TMEM266: variants seen among roughly 807,000 people sequenced by gnomAD.
The protein encoded by TMEM266 is transmembrane protein 266.
In TMEM266, 33 loss-of-function variants were observed where a neutral mutation model predicts 50.5. That is an observed-to-expected ratio of 0.65 (90% CI 0.50 to 0.87). The LOEUF (loss-of-function observed/expected upper bound fraction) is 0.87. Ranked by LOEUF, TMEM266 falls within the 40% of genes least tolerant of loss-of-function variation. The pLI is 0.00. For synonymous variants in TMEM266, 310 were observed against 292.3 expected (o/e 1.06, Z -0.62); for missense variants, 655 against 695.1 (o/e 0.94, Z 0.65).
At chr15:76,075,544 C>T (rs1388595263) in intron 1 of TMEM266, among the ~76,000 whole-genome samples, 2 of 152,034 alleles carry the variant, frequency 1.3e-5, no homozygotes, top group South Asian at 2.1e-4. Flanking sequence ...CTTAATGATA[C>T]GACATGTTGG....
At chr15:76,122,092 G>C (rs2037355624) in intron 1 of TMEM266, among the ~76,000 whole-genome samples, 1 of 152,246 alleles carries the variant, frequency 6.6e-6, no homozygotes, top group Admixed American at 6.5e-5. Flanking sequence ...GGCTCTTTTG[G>C]TCTTGGCTTA....
At chr15:76,183,276 T>C (rs1260478848) in intron 8 of TMEM266, among the ~76,000 whole-genome samples, 14 of 151,838 alleles carry the variant, frequency 9.2e-5, no homozygotes, top group South Asian at 4.2e-4. Flanking sequence ...TCACCACCCC[T>C]GGCTAATTTT....
intron 1 of TMEM266, among the ~76,000 whole-genome samples, chr15:76,115,272 G>A (rs530245491): frequency 1.1e-4 from 16 of 152,310 alleles, no homozygotes; most frequent in South Asian, 1.0e-3. Flanking sequence ...ATAGGGAACC[G>A]TCAAGTTGCT....
intron 1 of TMEM266, among the ~76,000 whole-genome samples, chr15:76,065,077 A>G (rs986374694): frequency 3.9e-5 from 6 of 152,204 alleles, no homozygotes; most frequent in African/African-American, 1.4e-4. Flanking sequence ...GACAGTTACT[A>G]ATTCTCCTTT....
chr15:76,068,103 AT>A (rs776644713), intron 1 of TMEM266, among the ~76,000 whole-genome samples: 81 of 152,324 alleles, frequency 5.3e-4, no homozygotes, highest in Non-Finnish European at 7.8e-4. Flanking sequence ...CCCACCTCCA[AT>A]TGACAGTCAT....
intron 1 of TMEM266, among the ~76,000 whole-genome samples, chr15:76,132,528 G>A (rs942864972): frequency 2.6e-5 from 4 of 152,104 alleles, no homozygotes; most frequent in Non-Finnish European, 5.9e-5. Context: ...GGGCACAGTG[G>A]CTCATGCCTG....
intron 7 of TMEM266, among the ~76,000 whole-genome samples, chr15:76,173,941 AT>A (rs941068158): frequency 8.1e-5 from 12 of 148,004 alleles, no homozygotes; most frequent in Admixed American, 6.6e-5. Flanking sequence ...TCAAAAAAAA[AT>A]AAAAAAAAAA....
intron 10 of TMEM266, among the ~76,000 whole-genome samples, chr15:76,203,525 T>C (rs1370729134): frequency 2.6e-5 from 4 of 152,150 alleles, no homozygotes; most frequent in African/African-American, 7.2e-5. Context: ...ACGCCTACAC[T>C]TGAGTTTAAC....
chr15:76,191,794 A>G (rs1173691535), intron 8 of TMEM266, 174 bp from the exon 9 acceptor site: 1 of 600,400 alleles, frequency 1.7e-6, no homozygotes, highest in Non-Finnish European at 2.7e-6. Flanking sequence ...CAACCGTAAG[A>G]AGCTCTTGCG....
chr15:76,093,086 G>A (rs7181479), intron 1 of TMEM266, among the ~76,000 whole-genome samples: 34,444 of 151,402 alleles, frequency 0.23, 4,495 homozygotes, highest in Non-Finnish European at 0.27. Context: ...GATTACAGGC[G>A]TAAACCACCG....
At chr15:76,082,636 G>C (rs1312254677) in intron 1 of TMEM266, among the ~76,000 whole-genome samples, 1 of 59,628 alleles carries the variant, frequency 1.7e-5, no homozygotes, top group Non-Finnish European at 4.6e-5. Context: ...GTGGCACATG[G>C]TGAAAGAAGG....
At chr15:76,180,906 A>G (rs2038394240) in intron 8 of TMEM266, 1 of 151,992 alleles carries the variant, frequency 6.6e-6, no homozygotes, top group African/African-American at 2.4e-5. Context: ...GAGCCACCGC[A>G]CCCAGCCCAT....
intron 1 of TMEM266, among the ~76,000 whole-genome samples, chr15:76,107,490 C>T (rs2037101584): frequency 6.6e-6 from 1 of 152,180 alleles, no homozygotes; most frequent in Admixed American, 6.5e-5. Flanking sequence ...CTGTTATGCC[C>T]ATTTTCCATA....
At position 76,204,073 on chromosome 15, in the gene TMEM266, T is replaced by C. The variant is rs148877983; in HGVS notation, c.1354T>C (p.Cys452Arg). ...GCTGTCCTCCCTGTCGGAGGACCCC[T>C]GCCCTTCCCAGAAGGCCTTGGACCC... Residue 452 changes from cysteine to arginine, a missense_variant, in exon 11 of 11, where the codon TGC becomes CGC. By Grantham distance (180) the Cys-to-Arg change is radical (BLOSUM62 -3). Transcript: ENST00000388942. 53 of 1,612,416 alleles carry C rather than the reference T, an allele frequency of 3.3e-5. 1 individual carries two copies. In the African/African-American group the frequency reaches 3.9e-4, roughly 12 times the overall value.
intron 1 of TMEM266, among the ~76,000 whole-genome samples, chr15:76,117,090 C>T (rs4886770): frequency 0.3 from 45,793 of 151,392 alleles, 8,049 homozygotes; most frequent in East Asian, 0.62. Context: ...GCAGAGACAG[C>T]ATTTCTTCAT....
chr15:76,079,552 G>C (rs1163493122), intron 1 of TMEM266, among the ~76,000 whole-genome samples: 2 of 150,226 alleles, frequency 1.3e-5, no homozygotes, highest in African/African-American at 4.9e-5. Flanking sequence ...AACTTTGGGA[G>C]GCTGAGGCGG....
At position 76,155,573 on chromosome 15, in the gene TMEM266, C is replaced by T. The variant is rs573102488; in HGVS notation, c.228-1031C>T. ...CTCTGTGACAAAGGGTGTCACGGTC[C>T]AGCAAGTTTGGGAAGCCCTGATTCT... On this transcript the variant is annotated intron_variant, in intron 3 of 10. Coordinates refer to ENST00000388942, the MANE Select transcript of TMEM266 (RefSeq NM_152335.3). Among the ~76,000 whole-genome samples the T allele has an allele frequency of 9.5e-4, 145 of 152,278 alleles. 1 individual carries two copies. The highest frequency in any genetic ancestry group is 3.4e-3 in the African/African-American group (142 of 41,544).
intron 5 of TMEM266, among the ~76,000 whole-genome samples, chr15:76,166,591 G>A (rs577237574): frequency 5.3e-5 from 8 of 152,206 alleles, no homozygotes; most frequent in Non-Finnish European, 7.3e-5. Flanking sequence ...CTCTGGGTGC[G>A]CTGTCTGCTG....
intron 1 of TMEM266, among the ~76,000 whole-genome samples, chr15:76,091,531 CAG>C (rs2036848080): frequency 6.6e-6 from 1 of 151,706 alleles, no homozygotes. Context: ...GCCTGGATGA[CAG>C]AGTGAAACCC....
Sources: allele counts gnomAD v4.1 joint callset (sites outside exome capture counted in the v4.1 genomes callset), GRCh38; gene constraint gnomAD v4.1.1; transcripts MANE v1.5; gene names NCBI Gene and HGNC (gene_info 2026-07-23, HGNC 2026-07-21).